The following ABI3BP variants were observed in gnomAD, a reference collection of about 807,000 sequenced individuals.
ABI3BP encodes the protein target of Nesh-SH3.
A neutral mutation model predicts 268.6 loss-of-function variants in ABI3BP; 216 were observed. That is an observed-to-expected ratio of 0.80 (90% confidence interval 0.72 to 0.90). ABI3BP has a LOEUF of 0.90. Among genes scored for constraint, ABI3BP ranks in the 40% least tolerant of loss-of-function variants. The pLI is 0.00. For synonymous variants in ABI3BP, 730 were observed against 730.0 expected, an observed-to-expected ratio of 1.00 and a Z score of 0.00; for missense variants, 2,090 against 2,182.4, an observed-to-expected ratio of 0.96 and a Z score of 0.84.
At chr3:100,829,067 C>A (rs1326731885) in intron 33 of ABI3BP, among the ~76,000 whole-genome samples, 1 of 151,814 alleles carries the variant, frequency 6.6e-6, no homozygotes, top group Non-Finnish European at 1.5e-5. Context: ...ACATTCCCTG[C>A]CTTTCTGAAT....
chr3:100,754,637 G>A lies in ABI3BP; in HGVS notation c.4905C>T (p.Asn1635=). The A allele has an allele frequency of 6.3e-7, 1 of 1,590,756 alleles. No individual in the cohort carries two copies. Among genetic ancestry groups the A allele is most frequent in the Non-Finnish European group, 8.6e-7 (1 of 1,167,452 alleles). ...KNPLGEGPVS[N]TVAFSTESAD... ...CTGATTCAGTACTGAATGCCACTGT[G>A]TTGCTGACCGGGCCTTCACCAAGCG... The change falls in exon 64 of 68, where the codon AAC becomes AAT. Residue 1635 remains asparagine, a synonymous_variant. Coordinates refer to ENST00000471714, the MANE Select transcript of ABI3BP (RefSeq NM_001375547.2).
intron 1 of ABI3BP, among the ~76,000 whole-genome samples, chr3:100,941,462 A>T (rs556160253): frequency 7.2e-5 from 11 of 152,280 alleles, no homozygotes; most frequent in Admixed American, 2.0e-4. Flanking sequence ...GAATTTAGAA[A>T]GAAATGTCAC....
At chr3:100,830,735 A>G in intron 31 of ABI3BP, 101 bp from the exon 32 acceptor site, 1 of 903,634 alleles carries the variant, frequency 1.1e-6, no homozygotes, top group East Asian at 2.7e-5. Flanking sequence ...AGGCTGCAAA[A>G]TTAATTCTTA....
intron 1 of ABI3BP, among the ~76,000 whole-genome samples, chr3:100,940,831 T>TATATATATATATATATATATATATATATA (rs11269303): frequency 1.2e-5 from 1 of 85,986 alleles, no homozygotes; most frequent in Non-Finnish European, 2.3e-5. Flanking sequence ...TATATATATA[T>TATATATATATATATATATATATATATATA]GATATGATGA....
intron 22 of ABI3BP, among the ~76,000 whole-genome samples, chr3:100,840,369 G>A (rs1162687575): frequency 6.6e-6 from 1 of 152,130 alleles, no homozygotes; most frequent in African/African-American, 2.4e-5. Context: ...AACTGTCCAA[G>A]AGATCTGTCT....
At chr3:100,751,423 A>AT (rs2095319872) in intron 67 of ABI3BP, 129 bp downstream of exon 67, 2 of 1,033,314 alleles carry the variant, frequency 1.9e-6, no homozygotes, top group Non-Finnish European at 2.5e-6. Flanking sequence ...TGAAGTCTTC[A>AT]TTTTTTCCTA....
intron 4 of ABI3BP, among the ~76,000 whole-genome samples, chr3:100,887,342 G>A (rs1057458207): frequency 2.1e-4 from 32 of 152,002 alleles, no homozygotes; most frequent in African/African-American, 7.5e-4. Flanking sequence ...TTACAGATTG[G>A]TGCATATAGT....
chr3:100,926,210 A>G, intron 2 of ABI3BP, 92 bp downstream of exon 2: 1 of 1,353,222 alleles, frequency 7.4e-7, no homozygotes, highest in Admixed American at 2.0e-5. Context: ...GATGTAGAAA[A>G]AATAGTTCTT....
At chr3:100,895,736 T>G (rs1196868559) in intron 4 of ABI3BP, among the ~76,000 whole-genome samples, 1 of 152,220 alleles carries the variant, frequency 6.6e-6, no homozygotes, top group Non-Finnish European at 1.5e-5. Flanking sequence ...TTTTTAGCTA[T>G]TATTGCTTAT....
intron 38 of ABI3BP, among the ~76,000 whole-genome samples, chr3:100,822,318 A>G (rs1283320818): frequency 6.6e-6 from 1 of 152,194 alleles, no homozygotes; most frequent in Non-Finnish European, 1.5e-5. Flanking sequence ...ATTTTTCTAA[A>G]GAAGTTTTAT....
At position 100,851,354 on chromosome 3, in the gene ABI3BP, A is replaced by C. The variant is rs904744768; in HGVS notation, c.1351+521T>G. Among the ~76,000 whole-genome samples, 6 of 152,184 alleles carry C rather than the reference A, an allele frequency of 3.9e-5. No individual in the cohort carries two copies. The East Asian group carries it at 9.7e-4, about 24-fold the overall frequency. On this transcript the variant is annotated intron_variant, in intron 15 of 67. Transcript: ENST00000471714. The stretch of plus-strand genomic sequence containing the variant: ...CTACATCAAGGTTTCTCACGTTAGC[A>C]CTATTGACAATTAGGGTCAAATAAT...
intron 62 of ABI3BP, among the ~76,000 whole-genome samples, chr3:100,768,695 G>A (rs142746258): frequency 6.6e-6 from 1 of 152,178 alleles, no homozygotes; most frequent in Non-Finnish European, 1.5e-5. Context: ...TGATAACAAT[G>A]AGGATTATTA....
At chr3:100,805,307 T>A (rs1018853176) in intron 50 of ABI3BP, among the ~76,000 whole-genome samples, 1 of 152,090 alleles carries the variant, frequency 6.6e-6, no homozygotes, top group Non-Finnish European at 1.5e-5. Context: ...CTTGAAGTCC[T>A]CTTGGGCAAC....
chr3:100,849,864 C>T (rs557355398), intron 17 of ABI3BP, among the ~76,000 whole-genome samples, 181 bp downstream of exon 17: 4 of 152,136 alleles, frequency 2.6e-5, no homozygotes, highest in Non-Finnish European at 5.9e-5. Flanking sequence ...TGTGAAAATT[C>T]TTTAAGGATA....
At chr3:100,888,023 T>G (rs1400005606) in intron 4 of ABI3BP, among the ~76,000 whole-genome samples, 1 of 151,538 alleles carries the variant, frequency 6.6e-6, no homozygotes, top group Non-Finnish European at 1.5e-5. Context: ...CAGCAGGGGG[T>G]TTGTAGTTTA....
intron 33 of ABI3BP, 98 bp from the exon 34 acceptor site, chr3:100,828,550 T>C (rs2098430012): frequency 9.3e-7 from 1 of 1,070,736 alleles, no homozygotes; most frequent in Admixed American, 2.3e-5. Flanking sequence ...ATGACATATC[T>C]GTCCAGAGCA....
In ABI3BP at chr3:100,804,819, T is replaced by G; in HGVS notation, c.3730A>C (p.Ser1244Arg). 1.2e-6 allele frequency: 2 copies of G among 1,613,160 alleles called. No individual in the cohort carries two copies. Among genetic ancestry groups the G allele is most frequent in the East Asian group, 2.2e-5 (1 of 44,838 alleles). ...GGTGTGGTGTATGACACTTCTGGACTTGGTGACGTTTTTGGTTTTGCAGTA... is the reference window on the plus strand; with the variant it reads ...GGTGTGGTGTATGACACTTCTGGACGTGGTGACGTTTTTGGTTTTGCAGTA... ...RVTAKPKTSP[S>R]PEVSYTTPAP... Residue 1244 changes from serine (S) to arginine (R), a missense_variant, in exon 51 of 68, where the codon AGT (serine) becomes CGT (arginine). Ser to Arg is a moderately radical substitution (Grantham distance 110). Transcript: ENST00000471714.
Position 100,824,877 on chromosome 3 carries a change from C to T in ABI3BP, c.2727G>A (p.Gln909=). 1.3e-6 allele frequency: 2 copies of T among 1,536,064 alleles called. No individual in the cohort carries two copies. The highest frequency in any genetic ancestry group is 1.7e-6 in the Non-Finnish European group (2 of 1,146,674). The change falls in exon 36 of 68, where the codon CAG becomes CAA. Residue 909 remains glutamine (Q), a synonymous_variant. Coordinates refer to ENST00000471714, the MANE Select transcript of ABI3BP (RefSeq NM_001375547.2). ...RPRPKTTPSP[Q]APETKPVPAT... The stretch of plus-strand genomic sequence containing the variant: ...ATTTACCAGGTTTGGTCTCAGGTGC[C>T]TGAGGGCTCGGTGTAGTTTTAGGTC...
intron 55 of ABI3BP, among the ~76,000 whole-genome samples, chr3:100,790,324 C>CT (rs1205238133): frequency 1.3e-5 from 2 of 151,982 alleles, no homozygotes; most frequent in African/African-American, 4.8e-5. Flanking sequence ...GCTGCTTCTC[C>CT]TGTCCCCACT....
Sources: gnomAD v4.1 joint callset for allele counts (sites outside exome capture counted in the v4.1 genomes callset) on GRCh38, gnomAD v4.1.1 for gene constraint, MANE v1.5 for transcripts, NCBI Gene and HGNC (gene_info 2026-07-23, HGNC 2026-07-21) for gene names.